NEB: variants seen among roughly 807,000 people sequenced by gnomAD.
NEB encodes the protein nebulin, also known as nemaline myopathy type 2.
In NEB, 512 loss-of-function variants were observed where a neutral mutation model predicts 952.2. The ratio of observed to expected loss-of-function variants is 0.54; its 90% CI spans 0.50 to 0.58. NEB has a LOEUF of 0.58. Ranked by LOEUF, NEB falls within the 20% of genes least tolerant of loss-of-function variation. The pLI, the probability that NEB is intolerant of heterozygous loss-of-function variation, is 0.00. For missense variants in NEB, 8,428 were observed against 9,231.1 expected, an observed-to-expected ratio of 0.91 and a Z score of 3.56; for synonymous variants, 2,900 against 3,149.8, an observed-to-expected ratio of 0.92 and a Z score of 2.66.
In NEB at chr2:151,553,868, A is replaced by G; in HGVS notation, c.19586T>C (p.Val6529Ala). 6.2e-7 allele frequency: 1 copy of G among 1,613,622 alleles called. No homozygotes were observed. Among genetic ancestry groups the G allele is most frequent in the Middle Eastern group, 1.7e-4 (1 of 6,056 alleles). ...HEWICHPDLQ[V>A]NDHVRKVTDQ... ...TGTGACTTTCCTGACGTGATCATTG[A>G]CTTGCAAGTCGGGGTGGCAAATCCA... Residue 6529 changes from valine to alanine, a missense_variant, in exon 126 of 182, where the codon GTC (valine) becomes GCC (alanine). Coordinates refer to ENST00000397345, the MANE Select transcript of NEB (RefSeq NM_001164508.2).
At chr2:151,634,124 G>T (rs1201010155) in intron 64 of NEB, among the ~76,000 whole-genome samples, 159 bp from the exon 65 acceptor site, 1 of 152,112 alleles carries the variant, frequency 6.6e-6, no homozygotes, top group South Asian at 2.1e-4. Flanking sequence ...CCCTTACAGA[G>T]GTAGAAAAAT....
intron 124 of NEB, among the ~76,000 whole-genome samples, chr2:151,558,924 G>T (rs1481363727): frequency 6.6e-6 from 1 of 151,702 alleles, no homozygotes; most frequent in Non-Finnish European, 1.5e-5. Flanking sequence ...CAAAAGCAAT[G>T]GCAACAAAGG....
intron 155 of NEB, 40 bp from the exon 156 acceptor site, chr2:151,518,462 G>A (rs372755514): frequency 1.6e-6 from 2 of 1,238,522 alleles, no homozygotes; most frequent in Non-Finnish European, 2.4e-6. Context: ...TGATGGAGAA[G>A]CTGCTCAGCA....
chr2:151,557,733 T>C (rs549603593), intron 124 of NEB, among the ~76,000 whole-genome samples: 1 of 152,346 alleles, frequency 6.6e-6, no homozygotes, highest in African/African-American at 2.4e-5. Flanking sequence ...TCAATAAATG[T>C]AATCTATCAC....
chr2:151,605,200 T>C (rs1169442732), intron 84 of NEB, among the ~76,000 whole-genome samples: 6 of 128,772 alleles, frequency 4.7e-5, no homozygotes, highest in Non-Finnish European at 1.0e-4. Context: ...GAAACTACCA[T>C]GTTTTTCGGT....
chr2:151,528,878 GAA>G (rs1388121315), intron 146 of NEB, among the ~76,000 whole-genome samples: 1 of 152,154 alleles, frequency 6.6e-6, no homozygotes, highest in Non-Finnish European at 1.5e-5. Context: ...AGAGCACAGG[GAA>G]AGAGAATGAA....
At chr2:151,684,654 G>A (rs182536776) in intron 28 of NEB, 124 bp downstream of exon 28, 50 of 864,208 alleles carry the variant, frequency 5.8e-5, no homozygotes, top group African/African-American at 1.9e-4. Flanking sequence ...CACAAGGGTC[G>A]TTTGCTTACA....
chr2:151,498,024 T>A, intron 170 of NEB: 2 of 1,440,766 alleles, frequency 1.4e-6, no homozygotes, highest in South Asian at 3.0e-5. Context: ...CTCGGTGTTG[T>A]TATCCACACA....
intron 110 of NEB, among the ~76,000 whole-genome samples, chr2:151,569,067 T>G (rs1015667919): frequency 3.7e-4 from 56 of 152,170 alleles, no homozygotes; most frequent in Non-Finnish European, 1.5e-4. Flanking sequence ...CAAGCATCAG[T>G]GAGTGTGCTG....
Position 151,691,923 on chromosome 2 carries a change from A to G in NEB, c.2152T>C (p.Phe718Leu), listed in dbSNP as rs1385719886. The change falls in exon 23 of 182, where the codon TTC becomes CTC. Residue 718 changes from phenylalanine to leucine, a missense_variant. By Grantham distance (22) the Phe-to-Leu change is conservative. Transcript: ENST00000397345. ...TATTCTTGTGTTATTGTCTGAGGGA[A>G]ATAGCATTTTCCTTTATCTTCTTCA... ...EYEEDKGKCYFPQTITQEYEA... is the reference protein window; with the variant it reads ...EYEEDKGKCYLPQTITQEYEA... The G allele has an allele frequency of 6.2e-7, 1 of 1,608,902 alleles. No homozygotes were observed. The highest frequency in any genetic ancestry group is 1.3e-5 in the African/African-American group (1 of 74,924).
rs540154305 is a variant in NEB, at chr2:151,629,885, AT to A, written c.9724-240del. ...GTGATATATTAACCTATTATATATC[AT>A]TATAGATTAATATGCTATACATAGA... On this transcript the variant is annotated intron_variant, in intron 67 of 181. Transcript: ENST00000397345. Among the ~76,000 whole-genome samples the A allele has an allele frequency of 2.6e-5, 4 of 152,110 alleles. No individual in the cohort carries two copies. In the South Asian group the frequency reaches 6.2e-4, roughly 24 times the overall value.
intron 8 of NEB, 72 bp from the exon 9 acceptor site, chr2:151,723,558 C>A: frequency 9.0e-7 from 1 of 1,114,494 alleles, no homozygotes; most frequent in South Asian, 1.4e-5. Context: ...GTTTTGAATT[C>A]ATCCATTAAT....
rs2098336175 is a variant in NEB, at chr2:151,619,732, A to G, written c.10591T>C (p.Leu3531=). Residue 3531 remains leucine (L), a synonymous_variant, in exon 73 of 182, where the codon TTG becomes CTG. Coordinates refer to ENST00000397345, the MANE Select transcript of NEB (RefSeq NM_001164508.2). ...GCTCGGGCGCCAATGTGGTGACCCA[A>G]CTGTTTACGATATGCTTCTTTGTAT... is the stretch of plus-strand genomic sequence containing the variant. ...YKYKEAYRKQ[L]GHHIGARAVH... 3.1e-6 allele frequency: 5 copies of G among 1,613,252 alleles called. No individual in the cohort carries two copies. Among genetic ancestry groups the G allele is most frequent in the Admixed American group, 3.3e-5 (2 of 60,014 alleles).
At chr2:151,673,726 C>G (rs1411756109) in intron 36 of NEB, among the ~76,000 whole-genome samples, 1 of 128,954 alleles carries the variant, frequency 7.8e-6, no homozygotes, top group Non-Finnish European at 1.6e-5. Flanking sequence ...AAAAATTTTT[C>G]TTTTTCTTTT....
intron 81 of NEB, among the ~76,000 whole-genome samples, chr2:151,609,081 T>C (rs563238012): frequency 6.6e-6 from 1 of 151,258 alleles, no homozygotes; most frequent in South Asian, 2.1e-4. Flanking sequence ...AAATCCCTTT[T>C]GTGATCATAA....
rs191158721 is a variant in NEB, at chr2:151,528,009, A to T, written c.21736-424T>A. Among the ~76,000 whole-genome samples, 49 of 152,354 alleles carry T rather than the reference A, an allele frequency of 3.2e-4. No homozygotes were observed. The East Asian group carries it at 5.6e-3, about 17-fold the overall frequency. ...TTACAAAACTAATTAAATGAATTAT[A>T]AAATTTTATAAAATTAATTCACCTA... On this transcript the variant is annotated intron_variant, in intron 146 of 181. Coordinates refer to ENST00000397345, the MANE Select transcript of NEB (RefSeq NM_001164508.2).
rs565759383 is a variant in NEB, at chr2:151,631,863, T to C, written c.9415-517A>G. ...TTACATGAATAAGAGTGGGTTTTTCTAGTGGTTGGATTGTTTTGGATTCTT... is the reference window on the plus strand; with the variant it reads ...TTACATGAATAAGAGTGGGTTTTTCCAGTGGTTGGATTGTTTTGGATTCTT... On this transcript the variant is annotated intron_variant, in intron 65 of 181. Coordinates refer to ENST00000397345, the MANE Select transcript of NEB (RefSeq NM_001164508.2). 2.0e-5 allele frequency among the ~76,000 whole-genome samples: 3 copies of C among 152,330 alleles called. No individual in the cohort carries two copies. In the East Asian group the frequency reaches 5.8e-4, roughly 29 times the overall value.
At chr2:151,650,944 G>A in intron 52 of NEB, 59 bp from the exon 53 acceptor site, 1 of 1,451,238 alleles carries the variant, frequency 6.9e-7, no homozygotes, top group Non-Finnish European at 9.3e-7. Flanking sequence ...AGCTCAACTT[G>A]CTTTTTTTTC....
chr2:151,679,804 C>T lies in NEB; in HGVS notation c.3172G>A (p.Asp1058Asn), dbSNP rs1248336947. The T allele has an allele frequency of 1.9e-6, 3 of 1,613,744 alleles. No individual in the cohort carries two copies. In the Admixed American group the frequency reaches 5.0e-5, roughly 27 times the overall value. ...SENMYKADLK[D>N]LSKKGYDLRT... ...AGGTCATATCCCTTCTTGCTCAAGT[C>T]TTTCAAGTCTGCTTTGTACATATTC... The change falls in exon 32 of 182, where the codon GAC (aspartate) becomes AAC (asparagine). Residue 1058 changes from aspartate (D) to asparagine (N), a missense_variant. Asp to Asn is a conservative substitution (Grantham distance 23). Transcript: ENST00000397345.
Sources: allele counts gnomAD v4.1 joint callset (sites outside exome capture counted in the v4.1 genomes callset), GRCh38; gene constraint gnomAD v4.1.1; transcripts MANE v1.5; gene names NCBI Gene and HGNC (gene_info 2026-07-23, HGNC 2026-07-21).